ENTREP2: variants seen among roughly 807,000 people sequenced by gnomAD.
ENTREP2 encodes endosomal transmembrane epsin interactor 2, also known as protein ENTREP2.
the ENTREP2 span, among the ~76,000 whole-genome samples, chr15:29,393,400 C>G: frequency 1.2e-4 from 19 of 152,344 alleles, no homozygotes; most frequent in East Asian, 3.7e-3. Context: ...CAGTGGGCAC[C>G]AGGCTCAGCC....
At chr15:29,320,292 C>T in the ENTREP2 span, among the ~76,000 whole-genome samples, 1 of 152,126 alleles carries the variant, frequency 6.6e-6, no homozygotes, top group Non-Finnish European at 1.5e-5. Flanking sequence ...AGAAAGCATT[C>T]TTAGGGAAAT....
chr15:29,369,457 C>T, the ENTREP2 span, among the ~76,000 whole-genome samples: 3 of 152,064 alleles, frequency 2.0e-5, no homozygotes, highest in African/African-American at 7.2e-5. Context: ...CCAAGAATTT[C>T]ATATCCAGCA....
the ENTREP2 span, chr15:29,570,469 C>T: frequency 8.1e-6 from 10 of 1,233,992 alleles, no homozygotes; most frequent in Non-Finnish European, 1.0e-5. Flanking sequence ...CCGCGCAGTC[C>T]CCGGAGCCCG....
chr15:29,643,459 C>T, the ENTREP2 span, among the ~76,000 whole-genome samples: 2 of 151,990 alleles, frequency 1.3e-5, no homozygotes, highest in East Asian at 1.9e-4. Context: ...AATCTAGACT[C>T]GAAAATACAA....
chr15:29,480,588 TAGGC>T, the ENTREP2 span, among the ~76,000 whole-genome samples: 2 of 151,910 alleles, frequency 1.3e-5, no homozygotes, highest in South Asian at 4.2e-4. Context: ...TGCAGAGAGT[TAGGC>T]AGGGCATGGG....
the ENTREP2 span, among the ~76,000 whole-genome samples, chr15:29,135,141 G>C: frequency 0.033 from 4,880 of 149,124 alleles, 221 homozygotes; most frequent in African/African-American, 0.1. This position sits in a 1 kb window ranked among gnomAD's most constrained non-coding sequence, Gnocchi z 7.4. Flanking sequence ...TGGTGAATCT[G>C]CAAGTCTCCC....
chr15:29,641,413 A>G, the ENTREP2 span, among the ~76,000 whole-genome samples: 9 of 152,194 alleles, frequency 5.9e-5, no homozygotes, highest in Non-Finnish European at 1.3e-4. Flanking sequence ...CAAAATCCTA[A>G]GGGGTCTAAG....
chr15:29,261,985 T>A, the ENTREP2 span, among the ~76,000 whole-genome samples: 1 of 134,690 alleles, frequency 7.4e-6, no homozygotes, highest in Non-Finnish European at 1.6e-5. Flanking sequence ...ATAAAGTAAT[T>A]AAATCAAAAA....
At chr15:29,329,262 C>T in the ENTREP2 span, among the ~76,000 whole-genome samples, 1 of 151,758 alleles carries the variant, frequency 6.6e-6, no homozygotes, top group East Asian at 1.9e-4. Flanking sequence ...CCTCGGGAGG[C>T]TGAGGCAGGA....
chr15:29,421,547 C>T, the ENTREP2 span, among the ~76,000 whole-genome samples: 3 of 152,134 alleles, frequency 2.0e-5, no homozygotes, highest in African/African-American at 7.2e-5. Flanking sequence ...ACTGGGTTTT[C>T]CTATTTGCTA....
chr15:29,311,983 G>GA, the ENTREP2 span, among the ~76,000 whole-genome samples: 1 of 152,108 alleles, frequency 6.6e-6, no homozygotes, highest in South Asian at 2.1e-4. Context: ...AAAGGTATGT[G>GA]AAAAAATCAG....
At chr15:29,271,693 G>A in the ENTREP2 span, among the ~76,000 whole-genome samples, 3 of 152,130 alleles carry the variant, frequency 2.0e-5, no homozygotes, top group Non-Finnish European at 4.4e-5. Context: ...GATCAATCAC[G>A]ACCCTTTCAT....
chr15:29,261,676 T>TA, the ENTREP2 span, among the ~76,000 whole-genome samples: 2 of 152,126 alleles, frequency 1.3e-5, no homozygotes, highest in Non-Finnish European at 2.9e-5. Context: ...AGCAATTTTT[T>TA]AAAAAATCAA....
chr15:29,600,438 A>AT, the ENTREP2 span, among the ~76,000 whole-genome samples: 1 of 134,290 alleles, frequency 7.4e-6, no homozygotes, highest in Non-Finnish European at 1.5e-5. Context: ...GTTCTCTCCC[A>AT]CCATCATCAT....
At chr15:29,657,455 T>G in the ENTREP2 span, among the ~76,000 whole-genome samples, 1 of 115,396 alleles carries the variant, frequency 8.7e-6, no homozygotes, top group African/African-American at 3.2e-5. Context: ...AGTGGACCCC[T>G]GCGAGTTGCC....
At chr15:29,210,232 G>A in the ENTREP2 span, among the ~76,000 whole-genome samples, 7 of 152,128 alleles carry the variant, frequency 4.6e-5, no homozygotes, top group Non-Finnish European at 1.0e-4. Context: ...GCCAGGTAAG[G>A]TACTAGACAA....
At chr15:29,499,956 A>C in the ENTREP2 span, among the ~76,000 whole-genome samples, 1 of 152,312 alleles carries the variant, frequency 6.6e-6, no homozygotes, top group Non-Finnish European at 1.5e-5. Context: ...GTATACACTA[A>C]TATCAGATGA....
At chr15:29,593,084 G>T in the ENTREP2 span, among the ~76,000 whole-genome samples, 1 of 152,038 alleles carries the variant, frequency 6.6e-6, no homozygotes, top group South Asian at 2.1e-4. Context: ...TAAGACAGAG[G>T]GACACATTTG....
the ENTREP2 span, among the ~76,000 whole-genome samples, chr15:29,251,193 T>C: frequency 6.6e-6 from 1 of 152,172 alleles, no homozygotes; most frequent in Admixed American, 6.5e-5. Context: ...AGGGCAACTG[T>C]GGAGGGACAT....
Sources: allele counts gnomAD v4.1 joint callset (sites outside exome capture counted in the v4.1 genomes callset), GRCh38; gene constraint gnomAD v4.1.1; non-coding constraint Gnocchi (gnomAD v3.1); transcripts MANE v1.5; gene names NCBI Gene and HGNC (gene_info 2026-07-23, HGNC 2026-07-21).